DSCAM: variants seen among roughly 807,000 people sequenced by gnomAD.
DSCAM encodes cell adhesion molecule DSCAM.
DSCAM carries 47 observed loss-of-function variants against 217.7 expected under a neutral mutation model. That is an observed-to-expected ratio of 0.22 (90% CI 0.17 to 0.28). DSCAM has a LOEUF of 0.28. DSCAM is among the 10% of genes least tolerant of loss of function. DSCAM has a pLI of 1.00. For missense variants in DSCAM, 2,080 were observed against 2,618.3 expected (o/e 0.79, Z 4.49); for synonymous variants, 1,056 against 1,015.3 (o/e 1.04, Z -0.76).
At chr21:40,236,192 T>C (rs1448612102) in intron 11 of DSCAM, among the ~76,000 whole-genome samples, 2 of 152,200 alleles carry the variant, frequency 1.3e-5, no homozygotes, top group African/African-American at 2.4e-5. Flanking sequence ...TTTCTGTGTA[T>C]AGGTAGCAGG....
chr21:40,675,356 A>G (rs537507161), intron 3 of DSCAM, among the ~76,000 whole-genome samples: 2 of 151,888 alleles, frequency 1.3e-5, no homozygotes, highest in Non-Finnish European at 2.9e-5. Context: ...CAGCTATCAG[A>G]GAGAATTATG....
intron 11 of DSCAM, among the ~76,000 whole-genome samples, chr21:40,272,371 A>T (rs2073630118): frequency 6.6e-6 from 1 of 152,226 alleles, no homozygotes; most frequent in Non-Finnish European, 1.5e-5. Context: ...AAAGATTTGC[A>T]TGCAGTAACC....
chr21:40,225,195 G>A lies in DSCAM; in HGVS notation c.2357-35957C>T, dbSNP rs2091321112. On this transcript the variant is annotated intron_variant, in intron 11 of 32. Transcript: ENST00000400454. ...CAAGGTAAGCCTGTGAATGATAGATGAGTGTACACATATGCGTACTTGTAT... is the reference window on the plus strand; with the variant it reads ...CAAGGTAAGCCTGTGAATGATAGATAAGTGTACACATATGCGTACTTGTAT... Among the ~76,000 whole-genome samples, 4 of 152,324 alleles carry A rather than the reference G, an allele frequency of 2.6e-5. No homozygotes were observed. In the South Asian group the frequency reaches 8.3e-4, roughly 32 times the overall value.
chr21:40,174,531 C>CTTT (rs112792781), intron 15 of DSCAM, among the ~76,000 whole-genome samples: 146 of 143,150 alleles, frequency 1.0e-3, no homozygotes, highest in Middle Eastern at 7.4e-3. Flanking sequence ...CCATGTTATT[C>CTTT]TTTTTTTTTT....
intron 32 of DSCAM, among the ~76,000 whole-genome samples, chr21:40,037,604 C>T (rs1468653263): frequency 6.7e-6 from 1 of 149,282 alleles, no homozygotes; most frequent in African/African-American, 2.6e-5. Context: ...AGGTAATTTA[C>T]AGATTCAATG....
At chr21:40,529,751 T>C (rs2076428650) in intron 3 of DSCAM, among the ~76,000 whole-genome samples, 1 of 152,194 alleles carries the variant, frequency 6.6e-6, no homozygotes, top group African/African-American at 2.4e-5. Flanking sequence ...CTTTTCTTTT[T>C]AGATGAAATC....
intron 3 of DSCAM, among the ~76,000 whole-genome samples, chr21:40,397,997 C>T (rs9980018): frequency 0.24 from 35,984 of 149,588 alleles, 5,557 homozygotes; most frequent in East Asian, 0.38. Context: ...TAAGAGCACC[C>T]GGAGCATTAC....
At chr21:40,133,592 ATACT>A in intron 19 of DSCAM, among the ~76,000 whole-genome samples, 1 of 147,950 alleles carries the variant, frequency 6.8e-6, no homozygotes, top group South Asian at 2.3e-4. Context: ...ATTTACAATA[ATACT>A]TGGCCAAAAA....
intron 3 of DSCAM, among the ~76,000 whole-genome samples, chr21:40,555,699 C>A (rs1246768708): frequency 1.3e-5 from 2 of 152,190 alleles, no homozygotes; most frequent in Non-Finnish European, 2.9e-5. Context: ...TTAGTGCAAT[C>A]ATAGCTCACT....
intron 3 of DSCAM, among the ~76,000 whole-genome samples, chr21:40,554,004 G>C (rs937187582): frequency 6.6e-6 from 1 of 151,972 alleles, no homozygotes; most frequent in Non-Finnish European, 1.5e-5. Flanking sequence ...GTCATTTGTA[G>C]AGGTATTGTT....
Position 40,536,441 on chromosome 21 carries a change from C to T in DSCAM, c.508+156369G>A, listed in dbSNP as rs562539831. Among the ~76,000 whole-genome samples the T allele has an allele frequency of 9.3e-5, 14 of 149,740 alleles. 1 individual carries two copies. The South Asian group carries it at 3.0e-3, about 32-fold the overall frequency. On this transcript the variant is annotated intron_variant, in intron 3 of 32. Transcript: ENST00000400454. ...TTTTGAGACGGAGTCTCGCTGTGTC[C>T]CCCAGGCTGGAGTGCAGTGGCGCCA...
chr21:40,149,283 A>C (rs2090394254), intron 16 of DSCAM, among the ~76,000 whole-genome samples: 1 of 139,884 alleles, frequency 7.1e-6, no homozygotes, highest in Non-Finnish European at 1.6e-5. Flanking sequence ...CTATCCCAAC[A>C]CCAATATCAC....
chr21:40,787,858 C>A (rs1223204527), intron 1 of DSCAM, among the ~76,000 whole-genome samples: 1 of 152,138 alleles, frequency 6.6e-6, no homozygotes, highest in East Asian at 1.9e-4. Context: ...CTTCTCCACT[C>A]CTCCCCCAAT....
intron 20 of DSCAM, among the ~76,000 whole-genome samples, chr21:40,113,236 T>C (rs1381158460): frequency 3.9e-5 from 6 of 152,170 alleles, no homozygotes; most frequent in Non-Finnish European, 2.9e-5. Flanking sequence ...GCTTCATCCC[T>C]GGGATGCAAG....
At chr21:40,648,876 G>C (rs965274293) in intron 3 of DSCAM, among the ~76,000 whole-genome samples, 1 of 152,142 alleles carries the variant, frequency 6.6e-6, no homozygotes, top group African/African-American at 2.4e-5. Context: ...AATTGTCAGT[G>C]TATCCTCATT....
chr21:40,834,352 A>G (rs1252896314), intron 1 of DSCAM, among the ~76,000 whole-genome samples: 1 of 150,882 alleles, frequency 6.6e-6, no homozygotes. Context: ...GCTTGCAGTG[A>G]GCAGAGATCA....
chr21:40,813,302 G>A (rs574684520), intron 1 of DSCAM, among the ~76,000 whole-genome samples: 1 of 152,280 alleles, frequency 6.6e-6, no homozygotes, highest in East Asian at 1.9e-4. Context: ...CCACACATAT[G>A]TTGATTAATC....
intron 3 of DSCAM, among the ~76,000 whole-genome samples, chr21:40,659,408 T>A (rs1199634767): frequency 6.6e-6 from 1 of 151,402 alleles, no homozygotes; most frequent in African/African-American, 2.4e-5. Context: ...CTCTCATCTC[T>A]CTATCACTCT....
At chr21:40,058,001 G>A (rs1228263517) in intron 28 of DSCAM, among the ~76,000 whole-genome samples, 1 of 150,092 alleles carries the variant, frequency 6.7e-6, no homozygotes, top group Non-Finnish European at 1.5e-5. Flanking sequence ...TCAGCCTCCC[G>A]AGTAGCTGGG....
Sources: allele counts gnomAD v4.1 joint callset (sites outside exome capture counted in the v4.1 genomes callset), GRCh38; gene constraint gnomAD v4.1.1; transcripts MANE v1.5; gene names NCBI Gene and HGNC (gene_info 2026-07-23, HGNC 2026-07-21).